Variants in SMC4 observed in about 807,000 individuals in gnomAD.
SMC4 encodes structural maintenance of chromosomes 4, also known as structural maintenance of chromosomes protein 4.
In SMC4, 87 loss-of-function variants were observed where a neutral mutation model predicts 145.6. The observed-to-expected ratio is 0.60, with a 90% CI of 0.50 to 0.71. SMC4 has a LOEUF of 0.71. SMC4 is among the 30% of genes least tolerant of loss of function. The pLI is 0.00. For synonymous variants in SMC4, 558 were observed against 500.7 expected (o/e 1.11, Z -1.53); for missense variants, 1,447 against 1,537.1 (o/e 0.94, Z 0.98).
At chr3:160,429,909 GT>G (rs1160400407) in intron 18 of SMC4, among the ~76,000 whole-genome samples, 3 of 151,434 alleles carry the variant, frequency 2.0e-5, no homozygotes, top group Non-Finnish European at 4.4e-5. Flanking sequence ...TAGAGACAGG[GT>G]TTCACCATGT....
Position 160,433,942 on chromosome 3 carries a change from G to A in SMC4, c.*133G>A, listed in dbSNP as rs1718711248. 5 of 599,466 alleles carry A rather than the reference G, an allele frequency of 8.3e-6. No individual in the cohort carries two copies. Among genetic ancestry groups the A allele is most frequent in the Non-Finnish European group, 1.4e-5 (5 of 353,682 alleles). The allele number at this position is 599,466 out of a possible 1,614,324, so 37.1% of individuals were successfully genotyped here. A position where few individuals can be genotyped will look rare whatever the true frequency, so the allele number is the denominator to read the frequency against. ...AAACTGGTTTCTGTTTTATGCAGTT[G>A]TCATTTGTAAAGTCTAATAAAATAT... On this transcript the variant is annotated 3_prime_UTR_variant, in exon 24 of 24. Transcript: ENST00000357388.
chr3:160,432,492 T>C lies in SMC4; in HGVS notation c.3507T>C (p.Pro1169=), dbSNP rs911503891. Reference sequence around the variant, plus strand: ...TCGAGCTTGTAGACAGCTTGGATCCTTTCTCTGAAGGAATCATGTTCAGGT... The same window carrying C: ...TCGAGCTTGTAGACAGCTTGGATCCCTTCTCTGAAGGAATCATGTTCAGGT... ...AELELVDSLD[P]FSEGIMFSVR... is the part of the protein sequence containing the mutation. The change falls in exon 22 of 24, where the codon CCT becomes CCC. Residue 1169 remains proline (P), a synonymous_variant. Coordinates refer to ENST00000357388, the MANE Select transcript of SMC4 (RefSeq NM_001002800.3). The C allele has an allele frequency of 2.5e-6, 4 of 1,604,546 alleles. No individual in the cohort carries two copies. Among genetic ancestry groups the C allele is most frequent in the Non-Finnish European group, 3.4e-6 (4 of 1,175,662 alleles).
chr3:160,432,696 T>A, intron 22 of SMC4, 181 bp downstream of exon 22: 1 of 538,928 alleles, frequency 1.9e-6, no homozygotes, highest in South Asian at 3.0e-5. Context: ...ACAGCCAGTA[T>A]TTACAAAATA....
chr3:160,409,912 A>AT (rs1181121921), intron 5 of SMC4, among the ~76,000 whole-genome samples: 6 of 151,668 alleles, frequency 4.0e-5, no homozygotes, highest in Non-Finnish European at 8.8e-5. Flanking sequence ...TACAAAAAAA[A>AT]TTTTTTTTTA....
chr3:160,414,165 G>A (rs566565515), intron 8 of SMC4: 8 of 583,818 alleles, frequency 1.4e-5, no homozygotes, highest in African/African-American at 5.5e-5. Context: ...AACTTAGAAA[G>A]GCAAAATAGC....
intron 7 of SMC4, 94 bp from the exon 8 acceptor site, chr3:160,413,379 T>C: frequency 8.0e-7 from 1 of 1,256,012 alleles, no homozygotes; most frequent in Non-Finnish European, 1.1e-6. Flanking sequence ...TTAATAATAT[T>C]TTAGAAACAG....
chr3:160,432,726 C>G, intron 22 of SMC4: 1 of 528,682 alleles, frequency 1.9e-6, no homozygotes, highest in Non-Finnish European at 3.3e-6. Flanking sequence ...TTCATCTTTT[C>G]TTAAATTTTC....
At chr3:160,429,640 C>A (rs890846557) in intron 18 of SMC4, among the ~76,000 whole-genome samples, 1 of 151,840 alleles carries the variant, frequency 6.6e-6, no homozygotes, top group African/African-American at 2.4e-5. Context: ...AGCCACTGCA[C>A]CCAGCCACCT....
In SMC4 at chr3:160,433,156, A is replaced by C. The variant is rs751871762; in HGVS notation, c.3661A>C (p.Ile1221Leu). The C allele has an allele frequency of 3.0e-5, 48 of 1,613,606 alleles. No individual in the cohort carries two copies. Among genetic ancestry groups the C allele is most frequent in the Non-Finnish European group, 3.6e-5 (42 of 1,179,736 alleles). ...CACTCCCCTTTACTTCATGGATGAG[A>C]TTGATGCAGCCCTTGATTTTAAAAA... ...KPTPLYFMDE[I>L]DAALDFKNVS... The change falls in exon 23 of 24, where the codon ATT becomes CTT. Residue 1221 changes from isoleucine to leucine, a missense_variant. By Grantham distance (5) the Ile-to-Leu change is conservative. Coordinates refer to ENST00000357388, the MANE Select transcript of SMC4 (RefSeq NM_001002800.3).
In SMC4 at chr3:160,433,092, T is replaced by C. The variant is rs1801888; in HGVS notation, c.3597T>C (p.Ser1199=). Residue 1199 remains serine (S), a synonymous_variant, in exon 23 of 24, where the codon AGT becomes AGC. Coordinates refer to ENST00000357388, the MANE Select transcript of SMC4 (RefSeq NM_001002800.3). ...FNLSGGEKTL[S]SLALVFALHH... ...TTTCGGGAGGAGAGAAAACACTTAG[T>C]TCATTGGCTTTAGTATTTGCTCTTC... is the stretch of plus-strand genomic sequence containing the variant. 922 of 1,613,568 alleles carry C rather than the reference T, an allele frequency of 5.7e-4. 6 individuals are homozygous for C. The African/African-American group carries it at 0.011, about 19-fold the overall frequency.
chr3:160,411,346 AC>A (rs976672434), intron 5 of SMC4, among the ~76,000 whole-genome samples: 3 of 152,144 alleles, frequency 2.0e-5, no homozygotes, highest in Non-Finnish European at 2.9e-5. Flanking sequence ...TTTTTAGAAA[AC>A]TGAACATGTA....
chr3:160,433,120 C>CA lies in SMC4; in HGVS notation c.3626dup (p.His1209GlnfsTer12). 6.2e-7 allele frequency: 1 copy of CA among 1,613,118 alleles called. No homozygotes were observed. The highest frequency in any genetic ancestry group is 8.5e-7 in the Non-Finnish European group (1 of 1,179,198). On this transcript the variant is annotated frameshift_variant, in exon 23 of 24. Transcript: ENST00000357388. LOFTEE classifies it high-confidence loss of function. ...ATTGGCTTTAGTATTTGCTCTTCAC[C>CA]ACTACAAGCCCACTCCCCTTTACTT...
At chr3:160,401,112 T>G in intron 2 of SMC4, 147 bp downstream of exon 2, 1 of 1,146,652 alleles carries the variant, frequency 8.7e-7, no homozygotes, top group South Asian at 2.2e-5. Context: ...GGAAAGCCAT[T>G]TGGCAACTTT....
chr3:160,413,020 A>C (rs1269029261), intron 7 of SMC4, among the ~76,000 whole-genome samples: 1 of 151,980 alleles, frequency 6.6e-6, no homozygotes, highest in East Asian at 1.9e-4. Flanking sequence ...TGCAATCTCA[A>C]CCTTCCGGAC....
At chr3:160,400,198 G>A (rs1166609133) in intron 1 of SMC4, 2 of 152,396 alleles carry the variant, frequency 1.3e-5, no homozygotes, top group African/African-American at 4.8e-5. Context: ...GCCAGCGTCC[G>A]ACTTGAAGTT....
Position 160,400,835 on chromosome 3 carries a change from T to A in SMC4, c.9T>A (p.Arg3=). 1 of 1,537,408 alleles carries A rather than the reference T, an allele frequency of 6.5e-7. No homozygotes were observed. Among genetic ancestry groups the A allele is most frequent in the Non-Finnish European group, 8.7e-7 (1 of 1,152,086 alleles). Residue 3 remains arginine (R), a synonymous_variant, in exon 2 of 24, where the codon CGT becomes CGA. Transcript: ENST00000357388. ...CCCCGGCCCCAGCGACCATGCCCCG[T>A]AAAGGCACCCAGCCCTCCACTGCCC... MP[R]KGTQPSTARR...
chr3:160,414,528 G>GA lies in SMC4; in HGVS notation c.1272+18dup. On this transcript the variant is annotated intron_variant, in intron 9 of 23. Transcript: ENST00000357388. ...AAAGATAAAGAAAAGGTAGGTGTTA[G>GA]AAAAAAATTCTTAAAATTTCACGTC... is the stretch of plus-strand genomic sequence containing the variant. 6.2e-7 allele frequency: 1 copy of GA among 1,607,388 alleles called. No individual in the cohort carries two copies. Among genetic ancestry groups the GA allele is most frequent in the Non-Finnish European group, 8.5e-7 (1 of 1,176,936 alleles).
At chr3:160,405,282 T>C (rs1210952019) in intron 5 of SMC4, among the ~76,000 whole-genome samples, 2 of 151,022 alleles carry the variant, frequency 1.3e-5, no homozygotes, top group African/African-American at 2.4e-5. Context: ...AAATCCCCTA[T>C]CTTTTTTTCC....
In SMC4 at chr3:160,432,293, A is replaced by G; in HGVS notation, c.3308A>G (p.Tyr1103Cys). 1 of 1,599,128 alleles carries G rather than the reference A, an allele frequency of 6.3e-7. No homozygotes were observed. The highest frequency in any genetic ancestry group is 8.5e-7 in the Non-Finnish European group (1 of 1,173,954). ...IAEYKKKEELYLQRVAELDKI... is the reference protein window; with the variant it reads ...IAEYKKKEELCLQRVAELDKI... ...ATAATCTTTTCACAGGAAGAATTGT[A>G]TTTGCAACGGGTAGCAGAATTGGAC... Residue 1103 changes from tyrosine (Y) to cysteine (C), a missense_variant, in exon 22 of 24, where the codon TAT (tyrosine) becomes TGT (cysteine). Coordinates refer to ENST00000357388, the MANE Select transcript of SMC4 (RefSeq NM_001002800.3).
Sources: gnomAD v4.1 joint callset for allele counts (sites outside exome capture counted in the v4.1 genomes callset) on GRCh38, gnomAD v4.1.1 for gene constraint, MANE v1.5 for transcripts, NCBI Gene and HGNC (gene_info 2026-07-23, HGNC 2026-07-21) for gene names.